The following TMEM192 variants were observed in gnomAD, a reference collection of about 807,000 sequenced individuals.
TMEM192 encodes transmembrane protein 192.
TMEM192 carries 20 observed loss-of-function variants against 26.7 expected under a neutral mutation model. That is an observed-to-expected ratio of 0.75 (90% CI 0.53 to 1.09). The LOEUF (loss-of-function observed/expected upper bound fraction) is 1.09. TMEM192 is among the 50% of genes least tolerant of loss of function. The pLI is 0.00. For missense variants in TMEM192, 304 were observed against 322.6 expected (o/e 0.94, Z 0.44); for synonymous variants, 124 against 121.0 (o/e 1.02, Z -0.16).
At position 165,076,787 on chromosome 4, in the gene TMEM192, T is replaced by A. The variant is rs550197745; in HGVS notation, c.*2871A>T. 3.3e-5 allele frequency: 5 copies of A among 152,282 alleles called. No individual in the cohort carries two copies. The East Asian group carries it at 7.7e-4, about 23-fold the overall frequency. The allele number at this position is 152,282 out of a possible 1,614,324, so 9.4% of individuals were successfully genotyped here. ...ATGTTTAACATTTAAATTGTTTTGT[T>A]CATTTTTCTGTTTTGTTACTTCTTT... On this transcript the variant is annotated 3_prime_UTR_variant, in exon 6 of 6. Transcript: ENST00000306480.
intron 4 of TMEM192, among the ~76,000 whole-genome samples, 161 bp downstream of exon 4, chr4:165,088,307 G>A (rs574623911): frequency 1.9e-4 from 29 of 152,326 alleles, no homozygotes; most frequent in African/African-American, 6.7e-4. Flanking sequence ...CTCACTGGTG[G>A]TGGCTGTACC....
intron 3 of TMEM192, among the ~76,000 whole-genome samples, chr4:165,097,584 T>TG (rs1369373245): frequency 2.0e-5 from 3 of 147,436 alleles, no homozygotes; most frequent in Non-Finnish European, 4.5e-5. Context: ...TTTTTTTTTT[T>TG]TGGAGAAAAA....
At chr4:165,089,789 C>A (rs1734711514) in intron 3 of TMEM192, among the ~76,000 whole-genome samples, 1 of 152,132 alleles carries the variant, frequency 6.6e-6, no homozygotes, top group Admixed American at 6.6e-5. Flanking sequence ...CTGAGCCCCT[C>A]CCAATCTTCT....
In TMEM192 at chr4:165,073,600, TTGAGA is replaced by T. The variant is rs995465268; in HGVS notation, c.*6053_*6057del. ...GTGAAAGAGGGAGGCCTCTTTGCAG[TTGAGA>T]TAAGAGGAAGGCTTCTGTCTCCTGC... is the stretch of plus-strand genomic sequence containing the variant. On this transcript the variant is annotated 3_prime_UTR_variant, in exon 6 of 6. Coordinates refer to ENST00000306480, the MANE Select transcript of TMEM192 (RefSeq NM_001100389.2). 2 of 151,428 alleles carry T rather than the reference TTGAGA, an allele frequency of 1.3e-5. No homozygotes were observed. The highest frequency in any genetic ancestry group is 2.9e-5 in the Non-Finnish European group (2 of 67,984). The allele number at this position is 151,428 out of a possible 1,614,324, so 9.4% of individuals were successfully genotyped here.
chr4:165,094,367 C>T (rs1734842798), intron 3 of TMEM192, among the ~76,000 whole-genome samples: 1 of 152,132 alleles, frequency 6.6e-6, no homozygotes, highest in African/African-American at 2.4e-5. Context: ...GATTTTATAA[C>T]CATAGACATA....
In TMEM192 at chr4:165,082,565, G is replaced by A. The variant is rs1323634591; in HGVS notation, c.678-2769C>T. Among the ~76,000 whole-genome samples the A allele has an allele frequency of 5.1e-5, 2 of 39,396 alleles. 1 individual carries two copies. The highest frequency in any genetic ancestry group is 9.1e-5 in the African/African-American group (2 of 21,932). 25.8% of individuals were successfully genotyped at this position (39,396 alleles called of 152,430 possible). The stretch of plus-strand genomic sequence containing the variant: ...TTTTTCTGCTAGTGTGGGTAGGTTG[G>A]TCTTTTTTAATCCTTCACTATCCTT... On this transcript the variant is annotated intron_variant, in intron 5 of 5. Coordinates refer to ENST00000306480, the MANE Select transcript of TMEM192 (RefSeq NM_001100389.2).
chr4:165,102,103 T>G (rs552116527), intron 2 of TMEM192, among the ~76,000 whole-genome samples: 1 of 152,218 alleles, frequency 6.6e-6, no homozygotes, highest in African/African-American at 2.4e-5. Context: ...CAGTGAGGCC[T>G]GCGATAAGAC....
rs1293032399 is a variant in TMEM192, at chr4:165,100,861, C to A, written c.206G>T (p.Gly69Val). 1 of 1,612,870 alleles carries A rather than the reference C, an allele frequency of 6.2e-7. No individual in the cohort carries two copies. The highest frequency in any genetic ancestry group is 1.3e-5 in the African/African-American group (1 of 74,784). ...TGGATTAGGATAAGAACAAAGCACACCTGTTAAAAATGCTAAAACAACAAA... is the reference window on the plus strand; with the variant it reads ...TGGATTAGGATAAGAACAAAGCACAACTGTTAAAAATGCTAAAACAACAAA... ...LVFVVLAFLTGVLCSYPNPNE... is the reference protein window; with the variant it reads ...LVFVVLAFLTVVLCSYPNPNE... The change falls in exon 3 of 6, where the codon GGT becomes GTT. Residue 69 changes from glycine to valine, a missense_variant. Coordinates refer to ENST00000306480, the MANE Select transcript of TMEM192 (RefSeq NM_001100389.2).
At chr4:165,100,100 T>C (rs928859247) in intron 3 of TMEM192, among the ~76,000 whole-genome samples, 3 of 152,042 alleles carry the variant, frequency 2.0e-5, no homozygotes, top group African/African-American at 7.2e-5. Flanking sequence ...GAGGACACCA[T>C]GTTCATAACA....
intron 3 of TMEM192, among the ~76,000 whole-genome samples, chr4:165,093,814 C>T (rs1734828315): frequency 1.3e-5 from 2 of 152,150 alleles, no homozygotes; most frequent in African/African-American, 4.8e-5. Flanking sequence ...CCTCTGCCTC[C>T]CCAGTTCAAG....
At chr4:165,085,245 C>T (rs148081161) in intron 5 of TMEM192, among the ~76,000 whole-genome samples, 1,885 of 145,640 alleles carry the variant, frequency 0.013, 33 homozygotes, top group African/African-American at 0.044. Context: ...TGCACTCCAG[C>T]CTGGGCAACA....
chr4:165,103,776 C>T (rs915716735), intron 1 of TMEM192, among the ~76,000 whole-genome samples: 4 of 152,306 alleles, frequency 2.6e-5, no homozygotes, highest in Admixed American at 2.0e-4. Flanking sequence ...CCTGCCTCGG[C>T]CTCCCAAAGT....
intron 3 of TMEM192, among the ~76,000 whole-genome samples, chr4:165,089,200 C>T (rs965408253): frequency 2.6e-5 from 4 of 152,084 alleles, no homozygotes; most frequent in African/African-American, 9.7e-5. Flanking sequence ...CCCAGCAAGA[C>T]CTGTCTATTC....
Position 165,079,205 on chromosome 4 carries a change from G to GA in TMEM192, c.*452dup. 1 of 154,010 alleles carries GA rather than the reference G, an allele frequency of 6.5e-6. No individual in the cohort carries two copies. The highest frequency in any genetic ancestry group is 1.9e-4 in the East Asian group (1 of 5,232). 9.5% of individuals were successfully genotyped at this position (154,010 alleles called of 1,614,324 possible). A position where few individuals can be genotyped will look rare whatever the true frequency, so the allele number is the denominator to read the frequency against. The stretch of plus-strand genomic sequence containing the variant: ...TAAAATACATGATAAGGCTCTCCAG[G>GA]AAAAAATATTCACAAGAAATAATGA... On this transcript the variant is annotated 3_prime_UTR_variant, in exon 6 of 6. Coordinates refer to ENST00000306480, the MANE Select transcript of TMEM192 (RefSeq NM_001100389.2).
At chr4:165,097,493 C>CAAAAA (rs60822491) in intron 3 of TMEM192, among the ~76,000 whole-genome samples, 1 of 58,994 alleles carries the variant, frequency 1.7e-5, no homozygotes, top group African/African-American at 6.0e-5. Flanking sequence ...GACTCCATCT[C>CAAAAA]AAAAAAAAAA....
intron 2 of TMEM192, among the ~76,000 whole-genome samples, chr4:165,102,698 A>G (rs1735064232): frequency 6.6e-6 from 1 of 152,192 alleles, no homozygotes; most frequent in African/African-American, 2.4e-5. Flanking sequence ...TATGACAGAC[A>G]ACATGGCTAT....
Position 165,073,297 on chromosome 4 carries a change from G to C in TMEM192, c.*6361C>G, listed in dbSNP as rs1734309105. On this transcript the variant is annotated 3_prime_UTR_variant, in exon 6 of 6. Transcript: ENST00000306480. Reference sequence around the variant, plus strand: ...TGCTCACAGAAACATGTGCTGTATTGGATCAGTTTAATGGATTTAGGGCTG... The same window carrying C: ...TGCTCACAGAAACATGTGCTGTATTCGATCAGTTTAATGGATTTAGGGCTG... The C allele has an allele frequency of 6.6e-6, 1 of 152,348 alleles. No individual in the cohort carries two copies. The highest frequency in any genetic ancestry group is 1.5e-5 in the Non-Finnish European group (1 of 68,166). 9.4% of individuals were successfully genotyped at this position (152,348 alleles called of 1,614,324 possible).
rs994535819 is a variant in TMEM192, at chr4:165,075,817, C to G, written c.*3841G>C. ...ACTCCTGACCTTGTGATCCACCCACCTTGGCCTCCCAAAGTGCTGGTATTA... is the reference window on the plus strand; with the variant it reads ...ACTCCTGACCTTGTGATCCACCCACGTTGGCCTCCCAAAGTGCTGGTATTA... On this transcript the variant is annotated 3_prime_UTR_variant, in exon 6 of 6. Transcript: ENST00000306480. 1 of 152,126 alleles carries G rather than the reference C, an allele frequency of 6.6e-6. No homozygotes were observed. The highest frequency in any genetic ancestry group is 1.5e-5 in the Non-Finnish European group (1 of 68,056). The allele number at this position is 152,126 out of a possible 1,614,324, so 9.4% of individuals were successfully genotyped here.
At chr4:165,099,334 C>T (rs1298369298) in intron 3 of TMEM192, among the ~76,000 whole-genome samples, 1 of 151,888 alleles carries the variant, frequency 6.6e-6, no homozygotes, top group African/African-American at 2.4e-5. Flanking sequence ...GATCTGCCCA[C>T]CTCAGCCTCC....
Sources: allele counts gnomAD v4.1 joint callset (sites outside exome capture counted in the v4.1 genomes callset), GRCh38; gene constraint gnomAD v4.1.1; transcripts MANE v1.5; gene names NCBI Gene and HGNC (gene_info 2026-07-23, HGNC 2026-07-21).